Variants in MYL11 observed in about 807,000 individuals in gnomAD.
MYL11 encodes myosin light chain 11.
At chr16:30,373,315 G>A in the MYL11 span, among the ~76,000 whole-genome samples, 2 of 152,104 alleles carry the variant, frequency 1.3e-5, no homozygotes, top group Non-Finnish European at 2.9e-5. Context: ...AAAATTAGAT[G>A]CCGGGCACGG....
the MYL11 span, chr16:30,374,804 C>A: frequency 6.2e-7 from 1 of 1,609,162 alleles, no homozygotes; most frequent in South Asian, 1.1e-5. Flanking sequence ...CCCATGCTGA[C>A]TCCTTGCTTC....
the MYL11 span, chr16:30,377,901 G>C: frequency 6.2e-7 from 1 of 1,601,336 alleles, no homozygotes; most frequent in Non-Finnish European, 8.5e-7. Context: ...CCAGGAGTAG[G>C]GGCACCCGCG....
At chr16:30,374,772 T>C in the MYL11 span, 1 of 1,545,114 alleles carries the variant, frequency 6.5e-7, no homozygotes, top group Non-Finnish European at 8.8e-7. Context: ...GGGGCAGGAC[T>C]ATATAACCCC....
At chr16:30,376,690 G>A in the MYL11 span, 1 of 1,613,882 alleles carries the variant, frequency 6.2e-7, no homozygotes, top group Non-Finnish European at 8.5e-7. Context: ...GCACCATCAA[G>A]AAGAAGTTGT....
chr16:30,373,244 A>G, the MYL11 span, among the ~76,000 whole-genome samples: 1 of 151,832 alleles, frequency 6.6e-6, no homozygotes. Flanking sequence ...GATCATCTGA[A>G]GTCGGAATTC....
chr16:30,376,899 T>G, the MYL11 span, among the ~76,000 whole-genome samples: 5 of 152,046 alleles, frequency 3.3e-5, no homozygotes, highest in Non-Finnish European at 7.4e-5. Context: ...ATGACCCTGT[T>G]TCTAAAAACT....
the MYL11 span, among the ~76,000 whole-genome samples, chr16:30,374,413 C>A: frequency 6.6e-6 from 1 of 152,190 alleles, no homozygotes; most frequent in Middle Eastern, 3.4e-3. Context: ...TCCCAAAGTG[C>A]TGGGATTACA....
At chr16:30,373,008 C>G in the MYL11 span, 2 of 152,326 alleles carry the variant, frequency 1.3e-5, no homozygotes, top group South Asian at 4.1e-4. Context: ...GGGCTCCTGA[C>G]CAGCTCTGGT....
chr16:30,376,424 C>A, the MYL11 span: 9 of 1,611,992 alleles, frequency 5.6e-6, no homozygotes, highest in Non-Finnish European at 7.6e-6. Context: ...CCCCTCCAGG[C>A]CGCCTCAATG....
chr16:30,372,300 C>T, the MYL11 span: 1 of 152,520 alleles, frequency 6.6e-6, no homozygotes, highest in African/African-American at 2.4e-5. Flanking sequence ...GGCTCCTTCT[C>T]TCTTCTTAGA....
chr16:30,377,455 T>C, the MYL11 span: 2 of 490,962 alleles, frequency 4.1e-6, no homozygotes, highest in Non-Finnish European at 3.5e-6. Flanking sequence ...GTTAAGATTG[T>C]GGTAATGGGC....
At chr16:30,375,734 C>T in the MYL11 span, 9 of 1,149,498 alleles carry the variant, frequency 7.8e-6, no homozygotes, top group South Asian at 5.5e-5. Flanking sequence ...AACAGGGACT[C>T]GAAGAATTCT....
At chr16:30,376,723 C>A in the MYL11 span, 1 of 1,603,942 alleles carries the variant, frequency 6.2e-7, no homozygotes, top group Non-Finnish European at 8.5e-7. Context: ...CCCCACCCTT[C>A]CGACCCTTCC....
At chr16:30,374,755 G>T in the MYL11 span, 3 of 1,465,098 alleles carry the variant, frequency 2.0e-6, no homozygotes, top group Non-Finnish European at 2.8e-6. Flanking sequence ...TATGTTAAGG[G>T]CTCCCTGGGG....
At chr16:30,377,692 C>T in the MYL11 span, 1 of 1,561,718 alleles carries the variant, frequency 6.4e-7, no homozygotes, top group Non-Finnish European at 8.7e-7. Flanking sequence ...GACCGCTTCT[C>T]CCAGGAGGAG....
chr16:30,372,700 A>G, the MYL11 span, among the ~76,000 whole-genome samples: 16 of 148,348 alleles, frequency 1.1e-4, no homozygotes, highest in Non-Finnish European at 2.2e-4. Flanking sequence ...CAGCCTCCAC[A>G]CCAGTACCCA....
chr16:30,374,046 C>T, the MYL11 span, among the ~76,000 whole-genome samples: 1 of 152,060 alleles, frequency 6.6e-6, no homozygotes, highest in Non-Finnish European at 1.5e-5. Flanking sequence ...GGCGCAGTGG[C>T]TCACACCTGT....
chr16:30,377,977 G>A, the MYL11 span: 8 of 1,432,444 alleles, frequency 5.6e-6, no homozygotes, highest in African/African-American at 1.4e-5. Flanking sequence ...AAATTTAACT[G>A]ATCTTTGTTT....
At chr16:30,377,834 C>T in the MYL11 span, 1 of 1,614,132 alleles carries the variant, frequency 6.2e-7, no homozygotes, top group South Asian at 1.1e-5. Context: ...CCGACGTGGG[C>T]GGCAACGTCG....
Sources: allele counts gnomAD v4.1 joint callset (sites outside exome capture counted in the v4.1 genomes callset), GRCh38; gene constraint gnomAD v4.1.1; transcripts MANE v1.5; gene names NCBI Gene and HGNC (gene_info 2026-07-23, HGNC 2026-07-21).